Variants in PECAM1 observed in about 807,000 individuals in gnomAD.
PECAM1 encodes the protein platelet and endothelial cell adhesion molecule 1.
Under a neutral mutation model 13.8 loss-of-function variants are expected in PECAM1, and 8 were observed. That is an observed-to-expected ratio of 0.58 (90% CI 0.34 to 1.05). The LOEUF (loss-of-function observed/expected upper bound fraction) is 1.05. Ranked by LOEUF, PECAM1 falls within the 50% of genes least tolerant of loss-of-function variation. The probability of loss-of-function intolerance (pLI) is 0.03; values close to 1 mark genes in which losing one functional copy is unlikely to be tolerated. For missense variants in PECAM1, 304 were observed against 141.2 expected, an observed-to-expected ratio of 2.15 and a Z score of -5.84; for synonymous variants, 136 against 52.6, an observed-to-expected ratio of 2.58 and a Z score of -6.86.
At chr17:64,360,848 T>TGTTC (rs2035958525) in intron 6 of PECAM1, among the ~76,000 whole-genome samples, 1 of 98,890 alleles carries the variant, frequency 1.0e-5, no homozygotes, top group African/African-American at 3.0e-5. Flanking sequence ...GTGTGTGTAT[T>TGTTC]TGAGACAGGG....
intron 13 of PECAM1, among the ~76,000 whole-genome samples, chr17:64,342,593 T>C (rs2035462022): frequency 6.6e-6 from 1 of 152,066 alleles, no homozygotes; most frequent in South Asian, 2.1e-4. Flanking sequence ...GTTGGATTGG[T>C]CTGGGGGGGT....
intron 14 of PECAM1, 105 bp from the exon 15 acceptor site, chr17:64,329,827 G>A: frequency 1.4e-6 from 1 of 717,844 alleles, no homozygotes; most frequent in Non-Finnish European, 2.6e-6. Flanking sequence ...GAGGGAGGAG[G>A]CGAGAGCCAG....
chr17:64,362,654 A>AT (rs2036010351), intron 6 of PECAM1, among the ~76,000 whole-genome samples: 3 of 149,442 alleles, frequency 2.0e-5, no homozygotes, highest in Admixed American at 6.6e-5. Context: ...TGCATCTCAA[A>AT]AAAATAAATA....
At chr17:64,347,005 C>A (rs1388200205) in intron 13 of PECAM1, among the ~76,000 whole-genome samples, 1 of 152,230 alleles carries the variant, frequency 6.6e-6, no homozygotes, top group Non-Finnish European at 1.5e-5. Flanking sequence ...TTGCTCAGTA[C>A]TTCCTAATTC....
intron 14 of PECAM1, among the ~76,000 whole-genome samples, chr17:64,334,754 G>A (rs1356283741): frequency 3.9e-5 from 6 of 152,120 alleles, no homozygotes; most frequent in East Asian, 1.9e-4. Context: ...TGATCCGCCC[G>A]CCTTAGCCTC....
At chr17:64,329,982 CAG>C (rs1216927675) in intron 14 of PECAM1, among the ~76,000 whole-genome samples, 4 of 151,612 alleles carry the variant, frequency 2.6e-5, no homozygotes, top group African/African-American at 4.9e-5. Flanking sequence ...TTTTTTGAGA[CAG>C]AGTCTCGCTT....
chr17:64,349,901 AAAAG>A (rs1284674165), intron 12 of PECAM1, among the ~76,000 whole-genome samples: 3 of 152,178 alleles, frequency 2.0e-5, no homozygotes, highest in Non-Finnish European at 2.9e-5. Flanking sequence ...AAAAACAAAA[AAAAG>A]AAAGAAAGGA....
chr17:64,371,114 T>C (rs1373237634), intron 4 of PECAM1, among the ~76,000 whole-genome samples: 1 of 152,132 alleles, frequency 6.6e-6, no homozygotes, highest in African/African-American at 2.4e-5. Flanking sequence ...ATGCACCAGA[T>C]ATTTAAATGC....
chr17:64,383,573 G>A (rs1369933654), intron 2 of PECAM1, among the ~76,000 whole-genome samples: 1 of 152,164 alleles, frequency 6.6e-6, no homozygotes, highest in Non-Finnish European at 1.5e-5. Flanking sequence ...GGCAGTGTCT[G>A]CCCTTGGAGA....
At chr17:64,363,106 A>T in intron 6 of PECAM1, 43 bp downstream of exon 6, 1 of 475,092 alleles carries the variant, frequency 2.1e-6, no homozygotes, top group Non-Finnish European at 3.9e-6. Flanking sequence ...CCTTTCTCCC[A>T]TTCAACCCTG....
chr17:64,352,386 T>G lies in PECAM1; in HGVS notation c.1990+4A>C. On this transcript the variant is annotated splice_donor_region_variant and intron_variant, in intron 11 of 15. Coordinates refer to ENST00000563924, the MANE Select transcript of PECAM1 (RefSeq NM_000442.5). ...TTAGAAATGGCAGGAGAACATGACT[T>G]TACCGTAATGACTGTTAGCTTCCAT... The G allele has an allele frequency of 2.1e-6, 1 of 475,120 alleles. No individual in the cohort carries two copies. The highest frequency in any genetic ancestry group is 3.9e-6 in the Non-Finnish European group (1 of 258,948). 29.4% of individuals were successfully genotyped at this position (475,120 alleles called of 1,614,324 possible).
chr17:64,348,733 C>G (rs993526625), intron 12 of PECAM1, among the ~76,000 whole-genome samples: 1 of 152,242 alleles, frequency 6.6e-6, no homozygotes, highest in African/African-American at 2.4e-5. Context: ...CCACTGCCCC[C>G]GGCTAGATTT....
chr17:64,321,643 C>G lies in PECAM1; in HGVS notation c.*2173G>C, dbSNP rs1555644426. ...AGCTATGGCGGCTCACGCCTCTGGT[C>G]CCAGCTACCCAGGAAGCTGAGATGG... On this transcript the variant is annotated 3_prime_UTR_variant, in exon 16 of 16. Coordinates refer to ENST00000563924, the MANE Select transcript of PECAM1 (RefSeq NM_000442.5). 1 of 521,602 alleles carries G rather than the reference C, an allele frequency of 1.9e-6. No homozygotes were observed. The highest frequency in any genetic ancestry group is 2.7e-6 in the Non-Finnish European group (1 of 374,814). 32.3% of individuals were successfully genotyped at this position (521,602 alleles called of 1,614,324 possible).
At chr17:64,340,516 T>A (rs2035399161) in intron 14 of PECAM1, among the ~76,000 whole-genome samples, 2 of 152,180 alleles carry the variant, frequency 1.3e-5, no homozygotes, top group Non-Finnish European at 2.9e-5. Flanking sequence ...TCCCCCACAA[T>A]GTTTACGTCT....
chr17:64,347,684 T>G (rs1481779388), intron 13 of PECAM1, among the ~76,000 whole-genome samples: 1 of 145,296 alleles, frequency 6.9e-6, no homozygotes, highest in Admixed American at 7.0e-5. Context: ...ACATATATAT[T>G]ATATATGTAT....
rs920852572 is a variant in PECAM1 at position 64,390,799 on chromosome 17, C to T, written c.-134G>A. On this transcript the variant is annotated 5_prime_UTR_variant, in exon 1 of 16. Coordinates refer to ENST00000563924, the MANE Select transcript of PECAM1 (RefSeq NM_000442.5). ...CAGAAATTGCTCTGGTCACTTCTCC[C>T]GGCGCCTGCAGAGAGACCGGCTGTG... The T allele has an allele frequency of 5.0e-5, 20 of 398,042 alleles. No individual in the cohort carries two copies. The highest frequency in any genetic ancestry group is 3.1e-4 in the African/African-American group (15 of 48,750). 24.7% of individuals were successfully genotyped at this position (398,042 alleles called of 1,614,324 possible). A position where few individuals can be genotyped will look rare whatever the true frequency, so the allele number is the denominator to read the frequency against.
chr17:64,322,293 G>A lies in PECAM1; in HGVS notation c.*1523C>T, dbSNP rs1555644550. On this transcript the variant is annotated 3_prime_UTR_variant, in exon 16 of 16. Coordinates refer to ENST00000563924, the MANE Select transcript of PECAM1 (RefSeq NM_000442.5). ...CCCAGCTACTCGGGAGGCTGAGACA[G>A]GAGAACTGCTTGAACCCAGGAGGCG... 2.1e-6 allele frequency: 1 copy of A among 484,258 alleles called. No homozygotes were observed. Among genetic ancestry groups the A allele is most frequent in the Non-Finnish European group, 2.7e-6 (1 of 370,922 alleles). 30.0% of individuals were successfully genotyped at this position (484,258 alleles called of 1,614,324 possible). A position where few individuals can be genotyped will look rare whatever the true frequency, so the allele number is the denominator to read the frequency against.
intron 12 of PECAM1, among the ~76,000 whole-genome samples, chr17:64,348,693 C>A (rs1159220111): frequency 5.9e-5 from 9 of 152,216 alleles, no homozygotes; most frequent in African/African-American, 2.2e-4. Context: ...CCACCTCAGC[C>A]TCCCAAAGTG....
chr17:64,371,787 G>T (rs879225014), intron 4 of PECAM1, among the ~76,000 whole-genome samples: 2 of 152,052 alleles, frequency 1.3e-5, no homozygotes, highest in Non-Finnish European at 2.9e-5. Flanking sequence ...CCGAGATTGC[G>T]CCACTGCACT....
Sources: gnomAD v4.1 joint callset for allele counts (sites outside exome capture counted in the v4.1 genomes callset) on GRCh38, gnomAD v4.1.1 for gene constraint, MANE v1.5 for transcripts, NCBI Gene and HGNC (gene_info 2026-07-23, HGNC 2026-07-21) for gene names.